VPS8: variants seen among roughly 807,000 people sequenced by gnomAD.
The protein encoded by VPS8 is VPS8 subunit of CORVET complex.
In VPS8, 129 loss-of-function variants were observed where a neutral mutation model predicts 216.4. The ratio of observed to expected loss-of-function variants is 0.60; its 90% CI spans 0.52 to 0.69. The LOEUF is 0.69. Ranked by LOEUF, VPS8 falls within the 30% of genes least tolerant of loss-of-function variation. The probability of loss-of-function intolerance (pLI) is 0.00; values close to 1 mark genes in which losing one functional copy is unlikely to be tolerated. For missense variants in VPS8, 1,531 were observed against 1,683.5 expected, an observed-to-expected ratio of 0.91 and a Z score of 1.59; for synonymous variants, 571 against 565.4, an observed-to-expected ratio of 1.01 and a Z score of -0.14.
At chr3:184,849,275 G>A in intron 9 of VPS8, 80 bp downstream of exon 9, 2 of 1,504,234 alleles carry the variant, frequency 1.3e-6, no homozygotes, top group Non-Finnish European at 1.8e-6. Flanking sequence ...TTAGATCAAA[G>A]ACCAAAATAC....
At chr3:184,851,020 T>G (rs1446574196) in intron 10 of VPS8, among the ~76,000 whole-genome samples, 1 of 152,246 alleles carries the variant, frequency 6.6e-6, no homozygotes, top group Non-Finnish European at 1.5e-5. Flanking sequence ...TTTGTATATA[T>G]GTCTTATCTC....
At chr3:185,026,773 A>G (rs1757427442) in intron 46 of VPS8, among the ~76,000 whole-genome samples, 1 of 144,716 alleles carries the variant, frequency 6.9e-6, no homozygotes, top group African/African-American at 2.6e-5. Flanking sequence ...CAGTGGCACA[A>G]TCTTGGCTCA....
At chr3:184,915,153 T>A in intron 27 of VPS8, 100 bp downstream of exon 27, 2 of 1,412,126 alleles carry the variant, frequency 1.4e-6, no homozygotes, top group East Asian at 4.6e-5. Context: ...TCAGGAGCTA[T>A]CACCTGTTGC....
chr3:184,998,283 A>G (rs1752893011), intron 44 of VPS8, among the ~76,000 whole-genome samples: 1 of 152,102 alleles, frequency 6.6e-6, no homozygotes. Context: ...TAGAGAGATC[A>G]AGGGGGAAAG....
At chr3:185,021,111 A>G (rs1487422264) in intron 45 of VPS8, among the ~76,000 whole-genome samples, 1 of 152,192 alleles carries the variant, frequency 6.6e-6, no homozygotes, top group Non-Finnish European at 1.5e-5. Context: ...GAAGATATTC[A>G]TATTGCTTTT....
At chr3:184,870,919 A>C (rs1302635281) in intron 21 of VPS8, 114 bp downstream of exon 21, 6 of 880,398 alleles carry the variant, frequency 6.8e-6, no homozygotes, top group African/African-American at 1.7e-5. Flanking sequence ...TTTAGTATTC[A>C]AAACTTTATT....
chr3:184,921,331 T>G (rs1738562682), intron 29 of VPS8, among the ~76,000 whole-genome samples: 1 of 152,230 alleles, frequency 6.6e-6, no homozygotes, highest in Non-Finnish European at 1.5e-5. Context: ...TAGTACGTGA[T>G]TTCCATCTTT....
chr3:184,900,878 A>T lies in VPS8; in HGVS notation c.2095-43A>T, dbSNP rs761588364. The T allele has an allele frequency of 6.6e-6, 10 of 1,514,932 alleles. No individual in the cohort carries two copies. The South Asian group carries it at 1.2e-4, about 18-fold the overall frequency. The allele number at this position is 1,514,932 out of a possible 1,614,324, so 93.8% of individuals were successfully genotyped here. A position where few individuals can be genotyped will look rare whatever the true frequency, so the allele number is the denominator to read the frequency against. ...AGATTCTTATTTTTTAAATAATATC[A>T]TTTGAGATGATGATGATTGTTTTCC... On this transcript the variant is annotated intron_variant, in intron 24 of 47. Transcript: ENST00000625842.
At chr3:184,995,788 A>G (rs1577095006) in intron 43 of VPS8, among the ~76,000 whole-genome samples, 1 of 152,332 alleles carries the variant, frequency 6.6e-6, no homozygotes, top group South Asian at 2.1e-4. Context: ...AGTAGATGCA[A>G]ATGACTTCTA....
rs529367641 is a variant in VPS8, at chr3:185,017,418, T to G, written c.4003-6918T>G. ...ATTTACCCAATAAGCTGCTTTGTCT[T>G]GTTTATTTGTGCTTCCAAATCCTCC... On this transcript the variant is annotated intron_variant, in intron 45 of 47. Transcript: ENST00000625842. 1.6e-4 allele frequency among the ~76,000 whole-genome samples: 24 copies of G among 152,328 alleles called. 1 individual carries two copies. In the East Asian group the frequency reaches 4.6e-3, roughly 29 times the overall value.
At chr3:184,980,171 A>G (rs949426325) in intron 40 of VPS8, among the ~76,000 whole-genome samples, 9 of 151,550 alleles carry the variant, frequency 5.9e-5, no homozygotes, top group Admixed American at 2.6e-4. Context: ...CTGTTTGCCC[A>G]ATGGGGTTCC....
At position 184,849,106 on chromosome 3, in the gene VPS8, A is replaced by G. The variant is rs754017366; in HGVS notation, c.577A>G (p.Thr193Ala). 2 of 1,613,480 alleles carry G rather than the reference A, an allele frequency of 1.2e-6. No homozygotes were observed. Among genetic ancestry groups the G allele is most frequent in the Non-Finnish European group, 1.7e-6 (2 of 1,179,528 alleles). The change falls in exon 9 of 48, where the codon ACT becomes GCT. Residue 193 changes from threonine to alanine, a missense_variant. Transcript: ENST00000625842. ...NQALRLCLGS[T>A]SVGGQYGAIS... ...AGCTTTGCGACTCTGTCTGGGTAGC[A>G]CTAGTGTTGGAGGTCAGTATGGCGC...
chr3:184,849,039 C>G lies in VPS8; in HGVS notation c.542-32C>G, dbSNP rs776179978. The G allele has an allele frequency of 2.5e-6, 4 of 1,609,930 alleles. No homozygotes were observed. The Admixed American group carries it at 6.7e-5, about 27-fold the overall frequency. On this transcript the variant is annotated intron_variant, in intron 8 of 47. Transcript: ENST00000625842. ...CGATGTATTTACTCTCTTGCATTTC[C>G]TTCACTTGACTTTAAAAACTGCTTT...
intron 22 of VPS8, among the ~76,000 whole-genome samples, chr3:184,892,040 A>G (rs993331998): frequency 7.9e-5 from 12 of 152,184 alleles, no homozygotes; most frequent in Admixed American, 7.2e-4. Flanking sequence ...TTGTAGAAAT[A>G]TCTCTTTGGT....
intron 29 of VPS8, among the ~76,000 whole-genome samples, chr3:184,921,399 A>T (rs1738576585): frequency 6.6e-6 from 1 of 152,180 alleles, no homozygotes; most frequent in Admixed American, 6.5e-5. Context: ...GCCAGCCTGA[A>T]TGTAGAAAGA....
At chr3:184,855,602 A>C in intron 13 of VPS8, 109 bp from the exon 14 acceptor site, 1 of 909,336 alleles carries the variant, frequency 1.1e-6, no homozygotes, top group East Asian at 2.5e-5. Context: ...GAAATTGGGG[A>C]AAGTTTTTAT....
chr3:184,867,908 G>C, intron 17 of VPS8, 116 bp from the exon 18 acceptor site: 1 of 1,006,150 alleles, frequency 9.9e-7, no homozygotes, highest in South Asian at 1.7e-5. Flanking sequence ...TCTAACTGTA[G>C]TATGAAATGT....
chr3:184,895,599 T>C (rs867481531), intron 23 of VPS8, among the ~76,000 whole-genome samples: 24 of 9,600 alleles, frequency 2.5e-3, no homozygotes, highest in Admixed American at 4.0e-3. Context: ...CTCCTCCTCC[T>C]CCCCCCCTCC....
At chr3:185,037,986 G>T (rs1759139015) in intron 46 of VPS8, among the ~76,000 whole-genome samples, 2 of 152,082 alleles carry the variant, frequency 1.3e-5, no homozygotes, top group South Asian at 4.1e-4. Flanking sequence ...TTTGTTTCCT[G>T]CTTTTTTCCC....
Sources: gnomAD v4.1 joint callset for allele counts (sites outside exome capture counted in the v4.1 genomes callset) on GRCh38, gnomAD v4.1.1 for gene constraint, MANE v1.5 for transcripts, NCBI Gene and HGNC (gene_info 2026-07-23, HGNC 2026-07-21) for gene names.